Variants in ARFIP1 observed in about 807,000 individuals in gnomAD.
The protein encoded by ARFIP1 is arfaptin-1.
Under a neutral mutation model 42.5 loss-of-function variants are expected in ARFIP1, and 24 were observed. The ratio of observed to expected loss-of-function variants is 0.57; its 90% CI spans 0.41 to 0.80. The LOEUF (loss-of-function observed/expected upper bound fraction) is 0.80. Among genes scored for constraint, ARFIP1 ranks in the 30% least tolerant of loss-of-function variants. ARFIP1 has a pLI of 0.00. For synonymous variants in ARFIP1, 141 were observed against 153.7 expected (o/e 0.92, Z 0.61); for missense variants, 354 against 434.0 (o/e 0.82, Z 1.64).
At chr4:152,854,235 G>T (rs1219803204) in intron 2 of ARFIP1, among the ~76,000 whole-genome samples, 1 of 152,048 alleles carries the variant, frequency 6.6e-6, no homozygotes, top group Non-Finnish European at 1.5e-5. Context: ...TCTTTCTTCT[G>T]CATGAGCTAG....
At chr4:152,813,645 G>A (rs1729644414) in intron 1 of ARFIP1, among the ~76,000 whole-genome samples, 1 of 152,106 alleles carries the variant, frequency 6.6e-6, no homozygotes, top group Admixed American at 6.6e-5. Context: ...AAGTAATAAT[G>A]CACTGCTTCA....
intron 1 of ARFIP1, among the ~76,000 whole-genome samples, chr4:152,804,036 A>AAT (rs549894550): frequency 1.5e-5 from 2 of 130,920 alleles, no homozygotes; most frequent in Admixed American, 8.9e-5. Context: ...AATATAACGT[A>AAT]ATATATATAT....
At chr4:152,787,325 CT>C (rs35138778) in intron 1 of ARFIP1, among the ~76,000 whole-genome samples, 2 of 152,126 alleles carry the variant, frequency 1.3e-5, no homozygotes, top group Non-Finnish European at 2.9e-5. Flanking sequence ...AAATTCAAAA[CT>C]TTTTTGAGCC....
chr4:152,906,217 G>A (rs1738348187), intron 8 of ARFIP1, among the ~76,000 whole-genome samples: 2 of 152,096 alleles, frequency 1.3e-5, no homozygotes, highest in Non-Finnish European at 2.9e-5. Flanking sequence ...TCTCTTAGGC[G>A]CTTATCTAGT....
At chr4:152,888,389 A>T in intron 8 of ARFIP1, 82 bp downstream of exon 8, 1 of 998,862 alleles carries the variant, frequency 1.0e-6, no homozygotes, top group Non-Finnish European at 1.4e-6. Flanking sequence ...TGTTTCTGTT[A>T]ACTCTCTTGT....
chr4:152,898,766 A>G (rs976443672), intron 8 of ARFIP1, among the ~76,000 whole-genome samples: 1 of 152,252 alleles, frequency 6.6e-6, no homozygotes, highest in Non-Finnish European at 1.5e-5. Flanking sequence ...ACATGTGCAT[A>G]GGCAGGAAAG....
At chr4:152,807,667 C>T (rs1170780174) in intron 1 of ARFIP1, among the ~76,000 whole-genome samples, 1 of 150,166 alleles carries the variant, frequency 6.7e-6, no homozygotes, top group Admixed American at 6.6e-5. Flanking sequence ...TCATTTGTCA[C>T]ATATAGATAT....
intron 8 of ARFIP1, among the ~76,000 whole-genome samples, chr4:152,909,164 C>T (rs943841520): frequency 2.6e-5 from 4 of 152,136 alleles, no homozygotes; most frequent in African/African-American, 7.2e-5. Flanking sequence ...GCAGGCAGAT[C>T]ACCTGAGGTC....
chr4:152,910,323 T>C lies in ARFIP1; in HGVS notation c.*104T>C. The C allele has an allele frequency of 7.7e-7, 1 of 1,306,082 alleles. No individual in the cohort carries two copies. The highest frequency in any genetic ancestry group is 1.0e-6 in the Non-Finnish European group (1 of 960,950). 80.9% of individuals were successfully genotyped at this position (1,306,082 alleles called of 1,614,324 possible). A position where few individuals can be genotyped will look rare whatever the true frequency, so the allele number is the denominator to read the frequency against. ...GAAGTGGGAGGGGTGACAAGCATTA[T>C]AGTGATTCTTGCACAAACAGCTTTA... On this transcript the variant is annotated 3_prime_UTR_variant, in exon 9 of 9. Transcript: ENST00000353617.
intron 1 of ARFIP1, among the ~76,000 whole-genome samples, chr4:152,797,003 T>C (rs896060744): frequency 1.3e-5 from 2 of 152,232 alleles, no homozygotes; most frequent in Non-Finnish European, 2.9e-5. Context: ...TAAAAAATTT[T>C]ATGTAGTCAA....
chr4:152,791,970 C>G (rs1005405663), intron 1 of ARFIP1, among the ~76,000 whole-genome samples: 1 of 152,072 alleles, frequency 6.6e-6, no homozygotes, highest in Non-Finnish European at 1.5e-5. Context: ...AAAAACTGAT[C>G]TTACCATTCT....
At chr4:152,889,752 ATAT>A (rs1561173397) in intron 8 of ARFIP1, among the ~76,000 whole-genome samples, 1 of 39,722 alleles carries the variant, frequency 2.5e-5, no homozygotes, top group African/African-American at 8.7e-5. Flanking sequence ...TATATACTAT[ATAT>A]TATATACTAT....
intron 6 of ARFIP1, among the ~76,000 whole-genome samples, chr4:152,881,920 A>G (rs941957760): frequency 6.6e-5 from 10 of 152,222 alleles, no homozygotes. Context: ...ATTTGTTTCA[A>G]CTGAAATTGA....
At chr4:152,801,386 A>G (rs1426656606) in intron 1 of ARFIP1, among the ~76,000 whole-genome samples, 1 of 152,162 alleles carries the variant, frequency 6.6e-6, no homozygotes, top group Non-Finnish European at 1.5e-5. Context: ...TTTGAGAAAC[A>G]GTGGAGAGGG....
chr4:152,889,582 T>C (rs1195404471), intron 8 of ARFIP1, among the ~76,000 whole-genome samples: 2 of 124,728 alleles, frequency 1.6e-5, no homozygotes, highest in Admixed American at 8.6e-5. Context: ...TATATAAATA[T>C]ATATACACAT....
intron 2 of ARFIP1, among the ~76,000 whole-genome samples, chr4:152,857,703 A>G (rs11728623): frequency 0.38 from 57,800 of 152,066 alleles, 12,052 homozygotes; most frequent in Admixed American, 0.49. Context: ...CTCATCAGAG[A>G]GACCTTCCCC....
chr4:152,846,445 A>T (rs577475051), intron 2 of ARFIP1, among the ~76,000 whole-genome samples: 1 of 152,178 alleles, frequency 6.6e-6, no homozygotes, highest in Non-Finnish European at 1.5e-5. Flanking sequence ...TTAAAATAAA[A>T]CTCAGCCATG....
chr4:152,891,973 G>T (rs895496789), intron 8 of ARFIP1, among the ~76,000 whole-genome samples: 5 of 152,042 alleles, frequency 3.3e-5, no homozygotes, highest in African/African-American at 7.2e-5. Context: ...CTCCCAAAGT[G>T]CTGGGATTAC....
intron 4 of ARFIP1, among the ~76,000 whole-genome samples, chr4:152,871,398 C>T (rs1254465885): frequency 2.0e-5 from 3 of 152,060 alleles, no homozygotes; most frequent in African/African-American, 4.8e-5. Flanking sequence ...TGCACTTTAC[C>T]GTTACTGGAC....
Sources: gnomAD v4.1 joint callset for allele counts (sites outside exome capture counted in the v4.1 genomes callset) on GRCh38, gnomAD v4.1.1 for gene constraint, MANE v1.5 for transcripts, NCBI Gene and HGNC (gene_info 2026-07-23, HGNC 2026-07-21) for gene names.